Variants in MED13 observed in about 807,000 individuals in gnomAD.
MED13 encodes mediator of RNA polymerase II transcription subunit 13.
Under a neutral mutation model 225.2 loss-of-function variants are expected in MED13, and 23 were observed. That is an observed-to-expected ratio of 0.10 (90% CI 0.07 to 0.14). The LOEUF (loss-of-function observed/expected upper bound fraction) is 0.14. MED13 is among the 10% of genes least tolerant of loss of function. The probability of loss-of-function intolerance (pLI) is 1.00; values close to 1 mark genes in which losing one functional copy is unlikely to be tolerated. For synonymous variants in MED13, 942 were observed against 889.2 expected (o/e 1.06, Z -1.06); for missense variants, 2,197 against 2,594.5 (o/e 0.85, Z 3.33).
At chr17:61,959,479 A>G (rs1284159551) in intron 23 of MED13, among the ~76,000 whole-genome samples, 1 of 152,128 alleles carries the variant, frequency 6.6e-6, no homozygotes, top group Non-Finnish European at 1.5e-5. Flanking sequence ...ATAAATATCC[A>G]ATTAAAAAAA....
Position 62,063,192 on chromosome 17 carries a change from C to A in MED13, c.176G>T (p.Arg59Leu). 6.2e-7 allele frequency: 1 copy of A among 1,614,130 alleles called. No individual in the cohort carries two copies. Among genetic ancestry groups the A allele is most frequent in the East Asian group, 2.2e-5 (1 of 44,878 alleles). The change falls in exon 2 of 30, where the codon CGC becomes CTC. Residue 59 changes from arginine to leucine, a missense_variant. Arg to Leu is a moderately radical substitution (Grantham distance 102). This residue lies in a region of MED13 where 884 missense variants were observed against 918.5 expected (regional missense o/e 0.96). Transcript: ENST00000397786. ...ACCAAGTACATCTGCCTTAAGGCAG[C>A]GACTAAAACTGCTCAAAATGGGGTC... ...EEDPILSSFS[R>L]CLKADVLGVW...
intron 19 of MED13, among the ~76,000 whole-genome samples, chr17:61,965,867 A>T (rs2080053523): frequency 6.6e-6 from 1 of 152,198 alleles, no homozygotes; most frequent in South Asian, 2.1e-4. Context: ...GTATAATGTT[A>T]TGGGGTTCAA....
rs1271605329 is a variant in MED13, at chr17:61,945,128, C to A, written c.*1340G>T. 6.6e-6 allele frequency: 1 copy of A among 152,170 alleles called. No homozygotes were observed. Among genetic ancestry groups the A allele is most frequent in the Non-Finnish European group, 1.5e-5 (1 of 67,968 alleles). The allele number at this position is 152,170 out of a possible 1,614,324, so 9.4% of individuals were successfully genotyped here. On this transcript the variant is annotated 3_prime_UTR_variant, in exon 30 of 30. Transcript: ENST00000397786. ...AAGAAAATTAAATAAATAAAAAAGG[C>A]AAGGGAAGTTTAAAAAATGGTTCTT...
intron 17 of MED13, among the ~76,000 whole-genome samples, chr17:61,972,294 G>T (rs1016095274): frequency 6.6e-6 from 1 of 152,114 alleles, no homozygotes; most frequent in African/African-American, 2.4e-5. Flanking sequence ...GTCACAACCA[G>T]CAAATTTCTT....
intron 3 of MED13, 60 bp downstream of exon 3, chr17:62,052,477 T>C (rs1018018423): frequency 7.6e-7 from 1 of 1,323,960 alleles, no homozygotes; most frequent in African/African-American, 1.5e-5. Context: ...ACATTCTCTG[T>C]TAAGACACAA....
chr17:61,974,873 G>C (rs1265441206), intron 16 of MED13, among the ~76,000 whole-genome samples: 2 of 152,134 alleles, frequency 1.3e-5, no homozygotes, highest in Non-Finnish European at 2.9e-5. Flanking sequence ...GTTAGGTCCT[G>C]ACCTAGACAT....
intron 12 of MED13, among the ~76,000 whole-genome samples, chr17:61,986,546 A>G (rs1398946839): frequency 6.6e-6 from 1 of 152,206 alleles, no homozygotes; most frequent in East Asian, 1.9e-4. Context: ...TATATCATGT[A>G]TCTGTCTTAT....
intron 12 of MED13, among the ~76,000 whole-genome samples, chr17:61,986,532 TTGTTA>T (rs1567960801): frequency 6.6e-6 from 1 of 152,206 alleles, no homozygotes; most frequent in African/African-American, 2.4e-5. Flanking sequence ...TCCTCTTTTA[TTGTTA>T]TATCATGTAT....
At chr17:62,025,631 T>C (rs896490004) in intron 8 of MED13, among the ~76,000 whole-genome samples, 25 of 152,276 alleles carry the variant, frequency 1.6e-4, no homozygotes, top group South Asian at 4.2e-4. Flanking sequence ...GATCACACCA[T>C]TGCACTCCTG....
chr17:62,001,366 T>C (rs183928239), intron 9 of MED13, among the ~76,000 whole-genome samples: 22 of 152,312 alleles, frequency 1.4e-4, no homozygotes, highest in Admixed American at 1.4e-3. Flanking sequence ...CTCACATCAC[T>C]TTCTATATGA....
Position 61,946,273 on chromosome 17 carries a change from A to G in MED13, c.*195T>C, listed in dbSNP as rs952943738. On this transcript the variant is annotated 3_prime_UTR_variant, in exon 30 of 30. Coordinates refer to ENST00000397786, the MANE Select transcript of MED13 (RefSeq NM_005121.3). ...GTTTTGTATGATCAGTCATCATCCT[A>G]AAGAGTTCAATAGAGTCAATGAAAA... The G allele has an allele frequency of 2.6e-5, 15 of 581,192 alleles. No individual in the cohort carries two copies. Among genetic ancestry groups the G allele is most frequent in the Non-Finnish European group, 3.8e-5 (13 of 343,250 alleles). The allele number at this position is 581,192 out of a possible 1,614,324, so 36.0% of individuals were successfully genotyped here.
chr17:61,964,789 A>G (rs1433339057), intron 20 of MED13, among the ~76,000 whole-genome samples: 2 of 151,924 alleles, frequency 1.3e-5, no homozygotes, highest in African/African-American at 2.4e-5. Flanking sequence ...TACAAAAATT[A>G]GCCAGGCGTG....
chr17:62,004,078 T>G (rs887470274), intron 9 of MED13: 1 of 152,154 alleles, frequency 6.6e-6, no homozygotes, highest in African/African-American at 2.4e-5. Flanking sequence ...ACCAAAAAAC[T>G]TCATACCACC....
At chr17:62,061,113 T>A (rs184438685) in intron 2 of MED13, among the ~76,000 whole-genome samples, 23 of 152,286 alleles carry the variant, frequency 1.5e-4, no homozygotes, top group Admixed American at 1.2e-3. Context: ...AGAAAACATA[T>A]CTGACTGGTA....
chr17:61,961,533 A>AG (rs1201857179), intron 22 of MED13, 55 bp downstream of exon 22: 8 of 1,332,784 alleles, frequency 6.0e-6, no homozygotes, highest in Non-Finnish European at 7.1e-6. Context: ...AAAAAAAAAA[A>AG]AAAAAAAAGG....
chr17:62,038,374 T>C (rs576354780), intron 3 of MED13, among the ~76,000 whole-genome samples: 1 of 151,996 alleles, frequency 6.6e-6, no homozygotes, highest in South Asian at 2.1e-4. Context: ...TGCCCTCCAG[T>C]CTCCAAACAA....
chr17:62,012,042 C>A (rs1603402045), intron 8 of MED13, among the ~76,000 whole-genome samples: 1 of 151,976 alleles, frequency 6.6e-6, no homozygotes, highest in African/African-American at 2.4e-5. Flanking sequence ...CATGGTAAAA[C>A]CCCGTCCTTA....
At chr17:61,975,690 C>T (rs183343239) in intron 16 of MED13, among the ~76,000 whole-genome samples, 2 of 152,152 alleles carry the variant, frequency 1.3e-5, no homozygotes, top group Admixed American at 1.3e-4. Flanking sequence ...CACTGCACTC[C>T]AGCCTGGATG....
intron 3 of MED13, among the ~76,000 whole-genome samples, chr17:62,044,906 C>A (rs1361163331): frequency 6.6e-6 from 1 of 152,218 alleles, no homozygotes; most frequent in Non-Finnish European, 1.5e-5. Context: ...AAGTGATCTG[C>A]CTGCCTTGGC....
Sources: gnomAD v4.1 joint callset for allele counts (sites outside exome capture counted in the v4.1 genomes callset) on GRCh38, gnomAD v4.1.1 for gene constraint, gnomAD v4.1.1 regional missense constraint, MANE v1.5 for transcripts, NCBI Gene and HGNC (gene_info 2026-07-23, HGNC 2026-07-21) for gene names.